The following TMEM25 variants were observed in gnomAD, a reference collection of about 807,000 sequenced individuals.
The protein encoded by TMEM25 is 0610039J01Rik.
Under a neutral mutation model 37.0 loss-of-function variants are expected in TMEM25, and 36 were observed. The ratio of observed to expected loss-of-function variants is 0.97; its 90% CI spans 0.75 to 1.28. The LOEUF (loss-of-function observed/expected upper bound fraction) is 1.28, where lower values mean the gene tolerates loss of function less well. Among genes scored for constraint, TMEM25 ranks in the 50% most tolerant of loss-of-function variants. The pLI is 0.00. For synonymous variants in TMEM25, 197 were observed against 203.7 expected (o/e 0.97, Z 0.28); for missense variants, 444 against 477.9 (o/e 0.93, Z 0.66).
rs1293696677 is a variant in TMEM25, at chr11:118,534,695, G to C, written c.*115G>C. On this transcript the variant is annotated 3_prime_UTR_variant, in exon 9 of 9. Transcript: ENST00000313236. This position sits in a 1 kb window ranked among gnomAD's most constrained non-coding sequence, Gnocchi z 4.6. ...AAGAAGTTATGCCACTGCCACTTTT[G>C]CTTGCCCTCCTGGCTGGGGTGCCCT... 1 of 1,512,434 alleles carries C rather than the reference G, an allele frequency of 6.6e-7. No individual in the cohort carries two copies. The highest frequency in any genetic ancestry group is 2.4e-5 in the East Asian group (1 of 41,686). 93.7% of individuals were successfully genotyped at this position (1,512,434 alleles called of 1,614,324 possible).
At chr11:118,543,513 A>C (rs1367651185) in intron 8 of TMEM25, among the ~76,000 whole-genome samples, 2 of 152,046 alleles carry the variant, frequency 1.3e-5, no homozygotes, top group African/African-American at 4.8e-5. Flanking sequence ...TTTGAGAAAG[A>C]GTTTTGCTCT....
At chr11:118,532,674 G>C (rs1255508498) in intron 3 of TMEM25, 1 of 782,580 alleles carries the variant, frequency 1.3e-6, no homozygotes, top group African/African-American at 1.7e-5. Context: ...TAAGCAATCT[G>C]CCCAGGGTGA....
downstream of TMEM25, among the ~76,000 whole-genome samples, chr11:118,537,524 G>A (rs1406023747): frequency 6.6e-6 from 1 of 152,106 alleles, no homozygotes; most frequent in Non-Finnish European, 1.5e-5. Flanking sequence ...CTATATGTTT[G>A]TACCCTTTAA....
At position 118,533,013 on chromosome 11, in the gene TMEM25, C is replaced by A; in HGVS notation, c.479C>A (p.Pro160Gln). Residue 160 changes from proline (P) to glutamine (Q), a missense_variant, in exon 4 of 9, where the codon CCG becomes CAG. By Grantham distance (76) the Pro-to-Gln change is moderately conservative. Coordinates refer to ENST00000313236, the MANE Select transcript of TMEM25 (RefSeq NM_032780.4). ...VLFALVRANPPANVTWIDQDG... is the reference protein window; with the variant it reads ...VLFALVRANPQANVTWIDQDG... ...TTTGCCCTGGTGCGTGCCAACCCGC[C>A]GGCCAATGTCACCTGGATCGACCAG... is the stretch of plus-strand genomic sequence containing the variant. The A allele has an allele frequency of 1.2e-6, 2 of 1,614,252 alleles. No homozygotes were observed. The highest frequency in any genetic ancestry group is 1.3e-5 in the African/African-American group (1 of 75,062).
Position 118,534,821 on chromosome 11 carries a change from C to T in TMEM25, c.*241C>T, listed in dbSNP as rs1951463625. On this transcript the variant is annotated 3_prime_UTR_variant, in exon 9 of 9. Transcript: ENST00000313236. This position sits in a 1 kb window ranked among gnomAD's most constrained non-coding sequence, Gnocchi z 4.6. The stretch of plus-strand genomic sequence containing the variant: ...TGGACGTAAGCCCCTCATGCTGACT[C>T]AGGGTGGGCCCTGCATGTGATGACT... 7.3e-7 allele frequency: 1 copy of T among 1,370,532 alleles called. No individual in the cohort carries two copies. Among genetic ancestry groups the T allele is most frequent in the Non-Finnish European group, 9.4e-7 (1 of 1,059,380 alleles). The allele number at this position is 1,370,532 out of a possible 1,614,324, so 84.9% of individuals were successfully genotyped here. A position where few individuals can be genotyped will look rare whatever the true frequency, so the allele number is the denominator to read the frequency against.
At chr11:118,543,399 C>T (rs782491126) in intron 8 of TMEM25, among the ~76,000 whole-genome samples, 28 of 152,236 alleles carry the variant, frequency 1.8e-4, no homozygotes, top group Non-Finnish European at 4.0e-4. Flanking sequence ...CAATGACTAC[C>T]ACCCCTTTGA....
chr11:118,534,651 T>C lies in TMEM25; in HGVS notation c.*71T>C. 1 of 1,585,168 alleles carries C rather than the reference T, an allele frequency of 6.3e-7. No individual in the cohort carries two copies. The highest frequency in any genetic ancestry group is 1.1e-5 in the South Asian group (1 of 88,792). On this transcript the variant is annotated 3_prime_UTR_variant, in exon 9 of 9. Transcript: ENST00000313236. This position sits in a 1 kb window ranked among gnomAD's most constrained non-coding sequence, Gnocchi z 4.6. ...CCGTTCCTCCAAGGCATCCTCTACC[T>C]AGCTAGGTCACCAACGTGAAGAAGT...
At position 118,532,935 on chromosome 11, in the gene TMEM25, A is replaced by C. The variant is rs1555060052; in HGVS notation, c.401A>C (p.Gln134Pro). Residue 134 changes from glutamine (Q) to proline (P), a missense_variant, in exon 4 of 9, where the codon CAA (glutamine) becomes CCA (proline). Coordinates refer to ENST00000313236, the MANE Select transcript of TMEM25 (RefSeq NM_032780.4). ...LNVQFKPEIAQVGAKYQEAQG... is the reference protein window; with the variant it reads ...LNVQFKPEIAPVGAKYQEAQG... ...GTACCAGTCAAGCCAGAGATTGCCC[A>C]AGTCGGCGCCAAGTACCAGGAAGCT... 1 of 1,613,700 alleles carries C rather than the reference A, an allele frequency of 6.2e-7. No homozygotes were observed. The highest frequency in any genetic ancestry group is 1.7e-4 in the Middle Eastern group (1 of 6,058).
downstream of TMEM25, chr11:118,535,835 A>G (rs899019079): frequency 1.7e-6 from 2 of 1,208,234 alleles, no homozygotes; most frequent in Non-Finnish European, 2.1e-6. Flanking sequence ...ATTCATTTAC[A>G]TATCTCTGCT....
At position 118,532,415 on chromosome 11, in the gene TMEM25, C is replaced by T; in HGVS notation, c.336C>T (p.Pro112=). ...AGCTCAACTGCTCTCTGCAGGACCC[C>T]AGAAGTGGCCGATCAGCCAACGCCT... ...QHELNCSLQD[P]RSGRSANASV... is the part of the protein sequence containing the mutation. Residue 112 remains proline, a synonymous_variant, in exon 3 of 9, where the codon CCC becomes CCT. Transcript: ENST00000313236. 1 of 1,614,100 alleles carries T rather than the reference C, an allele frequency of 6.2e-7. No homozygotes were observed. Among genetic ancestry groups the T allele is most frequent in the Non-Finnish European group, 8.5e-7 (1 of 1,179,986 alleles).
At chr11:118,539,570 TTTGAG>T (rs1951551407), downstream of TMEM25, among the ~76,000 whole-genome samples, 1 of 152,144 alleles carries the variant, frequency 6.6e-6, no homozygotes, top group Admixed American at 6.5e-5. Context: ...TTTAATCTAT[TTTGAG>T]TTGATTTTTA....
chr11:118,547,223 T>C (rs1186907906), downstream of TMEM25: 1 of 152,190 alleles, frequency 6.6e-6, no homozygotes, highest in Non-Finnish European at 1.5e-5. Context: ...AATCTGTCTT[T>C]GTAGAGCTTA....
At position 118,533,216 on chromosome 11, in the gene TMEM25, G is replaced by A. The variant is rs1591338997; in HGVS notation, c.673+9G>A. The A allele has an allele frequency of 6.3e-7, 1 of 1,583,526 alleles. No individual in the cohort carries two copies. The highest frequency in any genetic ancestry group is 1.3e-5 in the African/African-American group (1 of 74,736). Reference sequence around the variant, plus strand: ...GTCGCTTCCAGCCCCAGGTGAGCATGGCCAGCAAGCGGCCCTGCAAAGCTT... The same window carrying A: ...GTCGCTTCCAGCCCCAGGTGAGCATAGCCAGCAAGCGGCCCTGCAAAGCTT... On this transcript the variant is annotated intron_variant, in intron 4 of 8. Transcript: ENST00000313236.
Position 118,535,681 on chromosome 11 carries a change from C to T in TMEM25, c.*1101C>T. 1.4e-6 allele frequency: 2 copies of T among 1,469,384 alleles called. No individual in the cohort carries two copies. The highest frequency in any genetic ancestry group is 1.8e-4 in the Middle Eastern group (1 of 5,696). The allele number at this position is 1,469,384 out of a possible 1,614,324, so 91.0% of individuals were successfully genotyped here. On this transcript the variant is annotated 3_prime_UTR_variant, in exon 9 of 9. Coordinates refer to ENST00000313236, the MANE Select transcript of TMEM25 (RefSeq NM_032780.4). ...CATACCCCAAAGTGACCTAAGAACACTTTAAAAAGCAACATGTAAATGATT... is the reference window on the plus strand; with the variant it reads ...CATACCCCAAAGTGACCTAAGAACATTTTAAAAAGCAACATGTAAATGATT...
intron 4 of TMEM25, 32 bp from the exon 5 acceptor site, chr11:118,533,388 A>C (rs1173787273): frequency 9.3e-6 from 15 of 1,611,898 alleles, no homozygotes; most frequent in African/African-American, 1.3e-5. Context: ...GGCACTACCC[A>C]CTTGGGACCT....
chr11:118,531,683 T>C (rs968287277), intron 1 of TMEM25, 92 bp from the exon 2 acceptor site: 1 of 998,172 alleles, frequency 1.0e-6, no homozygotes, highest in Non-Finnish European at 1.4e-6. Flanking sequence ...TTTCCGTACA[T>C]GGTTCTTTTT....
chr11:118,531,787 T>G lies in TMEM25; in HGVS notation c.-15T>G. ...CCCCTTCTCTCAGCAGCCTAGGGCC[T>G]AGGCCCGGGCCACCATGGCGCTGCC... is the stretch of plus-strand genomic sequence containing the variant. On this transcript the variant is annotated 5_prime_UTR_variant, in exon 2 of 9. Coordinates refer to ENST00000313236, the MANE Select transcript of TMEM25 (RefSeq NM_032780.4). 9 of 1,549,686 alleles carry G rather than the reference T, an allele frequency of 5.8e-6. No homozygotes were observed. The highest frequency in any genetic ancestry group is 7.8e-6 in the Non-Finnish European group (9 of 1,146,662).
downstream of TMEM25, among the ~76,000 whole-genome samples, chr11:118,538,300 T>C (rs962462941): frequency 4.0e-5 from 6 of 150,790 alleles, no homozygotes; most frequent in Admixed American, 4.0e-4. Flanking sequence ...GCCTCCCCAG[T>C]AGCTGGCACT....
intron 8 of TMEM25, among the ~76,000 whole-genome samples, chr11:118,541,896 C>T (rs1951583886): frequency 6.6e-6 from 1 of 152,104 alleles, no homozygotes; most frequent in Non-Finnish European, 1.5e-5. Context: ...TAGCTGGGAC[C>T]ACAGGTGTAT....
Sources: gnomAD v4.1 joint callset for allele counts (sites outside exome capture counted in the v4.1 genomes callset) on GRCh38, gnomAD v4.1.1 for gene constraint, Gnocchi (gnomAD v3.1) non-coding constraint, MANE v1.5 for transcripts, NCBI Gene and HGNC (gene_info 2026-07-23, HGNC 2026-07-21) for gene names.